Variants in IGDCC3 observed in about 807,000 individuals in gnomAD.
The protein encoded by IGDCC3 is putative neuronal cell adhesion molecule.
Under a neutral mutation model 72.0 loss-of-function variants are expected in IGDCC3, and 47 were observed. The observed-to-expected ratio is 0.65, with a 90% CI of 0.52 to 0.83. The LOEUF is 0.83. Ranked by LOEUF, IGDCC3 falls within the 40% of genes least tolerant of loss-of-function variation. The probability of loss-of-function intolerance (pLI) is 0.00; values close to 1 mark genes in which losing one functional copy is unlikely to be tolerated. For synonymous variants in IGDCC3, 477 were observed against 472.8 expected, an observed-to-expected ratio of 1.01 and a Z score of -0.11; for missense variants, 1,038 against 1,091.3, an observed-to-expected ratio of 0.95 and a Z score of 0.69.
Position 65,328,505 on chromosome 15 carries a change from G to A in IGDCC3, c.*404C>T, listed in dbSNP as rs1355168041. ...AAATCCATCCTGAGAAAACAAAGTC[G>A]GTGGAGGGTGACAGTGTCAGGGCCC... On this transcript the variant is annotated 3_prime_UTR_variant, in exon 14 of 14. Transcript: ENST00000327987. 1.9e-5 allele frequency: 3 copies of A among 159,708 alleles called. No individual in the cohort carries two copies. The highest frequency in any genetic ancestry group is 1.4e-5 in the Non-Finnish European group (1 of 73,164). 9.9% of individuals were successfully genotyped at this position (159,708 alleles called of 1,614,324 possible). A position where few individuals can be genotyped will look rare whatever the true frequency, so the allele number is the denominator to read the frequency against.
Position 65,370,515 on chromosome 15 carries a change from A to AAT in IGDCC3, c.409+4580_409+4581dup, listed in dbSNP as rs60597969. On this transcript the variant is annotated intron_variant, in intron 2 of 13. Transcript: ENST00000327987. ...GAGCGAGACTTGGTCTCAAAAAAAAAATATATATATATATATATATATTTA... is the reference window on the plus strand; with the variant it reads ...GAGCGAGACTTGGTCTCAAAAAAAAAATATATATATATATATATATATATTTA... Among the ~76,000 whole-genome samples the AAT allele has an allele frequency of 7.6e-4, 54 of 71,250 alleles. No homozygotes were observed. The East Asian group carries it at 0.026, about 34-fold the overall frequency. 46.7% of individuals were successfully genotyped at this position (71,250 alleles called of 152,430 possible). A position where few individuals can be genotyped will look rare whatever the true frequency, so the allele number is the denominator to read the frequency against.
In IGDCC3 at chr15:65,332,092, C is replaced by T. The variant is rs1263065277; in HGVS notation, c.997G>A (p.Val333Met). The change falls in exon 7 of 14, where the codon GTG (valine) becomes ATG (methionine). Residue 333 changes from valine to methionine, a missense_variant. Physicochemically the swap from Val to Met is conservative, Grantham distance 21 (BLOSUM62 1). Transcript: ENST00000327987. The part of the protein sequence containing the change: ...RLVVQAPAEF[V>M]QHPQSISRPA... ...CTGGAGATGGACTGGGGATGCTGCA[C>T]AAACTCAGCTGGGGCTGCGAGTAGA... 1.9e-6 allele frequency: 3 copies of T among 1,613,532 alleles called. No homozygotes were observed. Among genetic ancestry groups the T allele is most frequent in the Admixed American group, 3.3e-5 (2 of 59,974 alleles).
chr15:65,329,041 C>T lies in IGDCC3; in HGVS notation c.2313G>A (p.Glu771=). The change falls in exon 14 of 14, where the codon GAG becomes GAA. Residue 771 remains glutamate, a synonymous_variant. Transcript: ENST00000327987. The surrounding 1 kb of genome is among the most constrained non-coding windows in gnomAD (Gnocchi z 4.1). ...EGKTTEAKTT[E]ATAPCAGLAA... is the part of the protein sequence containing the mutation. ...CCAGGCCGGCGCAGGGAGCCGTGGC[C>T]TCTGTGGTCTTCGCCTCCGTCGTCT... The T allele has an allele frequency of 6.2e-7, 1 of 1,612,712 alleles. No individual in the cohort carries two copies. Among genetic ancestry groups the T allele is most frequent in the Non-Finnish European group, 8.5e-7 (1 of 1,179,582 alleles).
intron 2 of IGDCC3, among the ~76,000 whole-genome samples, chr15:65,357,255 G>T (rs2091229909): frequency 6.6e-6 from 1 of 152,144 alleles, no homozygotes; most frequent in African/African-American, 2.4e-5. Flanking sequence ...CCTAAAGGAA[G>T]AATGATATGC....
chr15:65,377,674 G>A lies in IGDCC3; in HGVS notation c.103+12C>T. On this transcript the variant is annotated intron_variant, in intron 1 of 13. Transcript: ENST00000327987. This position sits in a 1 kb window ranked among gnomAD's most constrained non-coding sequence, Gnocchi z 4.9. Reference sequence around the variant, plus strand: ...CGTCCGCAACCGCCCGGTCCGGGGCGCTTTCACTCACCCTCGCTCGGCGCG... The same window carrying A: ...CGTCCGCAACCGCCCGGTCCGGGGCACTTTCACTCACCCTCGCTCGGCGCG... 2 of 1,447,108 alleles carry A rather than the reference G, an allele frequency of 1.4e-6. No individual in the cohort carries two copies. Among genetic ancestry groups the A allele is most frequent in the Non-Finnish European group, 1.8e-6 (2 of 1,105,394 alleles). 89.6% of individuals were successfully genotyped at this position (1,447,108 alleles called of 1,614,324 possible).
At chr15:65,367,496 G>C (rs1345825271) in intron 2 of IGDCC3, among the ~76,000 whole-genome samples, 1 of 151,630 alleles carries the variant, frequency 6.6e-6, no homozygotes, top group Non-Finnish European at 1.5e-5. Context: ...CCTGCACATT[G>C]TGCACATGTA....
At chr15:65,349,295 C>T (rs1042654947) in intron 2 of IGDCC3, among the ~76,000 whole-genome samples, 1 of 152,100 alleles carries the variant, frequency 6.6e-6, no homozygotes, top group Non-Finnish European at 1.5e-5. Context: ...GCCCCTGGGG[C>T]GATGGTGGCA....
intron 2 of IGDCC3, among the ~76,000 whole-genome samples, chr15:65,349,172 A>G (rs529466529): frequency 6.6e-6 from 1 of 152,346 alleles, no homozygotes; most frequent in African/African-American, 2.4e-5. Context: ...TTAAGTCTTG[A>G]CAGTTTGATA....
Position 65,331,407 on chromosome 15 carries a change from C to A in IGDCC3, c.1396+5G>T. On this transcript the variant is annotated splice_donor_5th_base_variant and intron_variant, in intron 8 of 13. Coordinates refer to ENST00000327987, the MANE Select transcript of IGDCC3 (RefSeq NM_004884.4). ...GGAAGGGGCAACAGAGCTGGCCACG[C>A]GCACCAGCAGCCTTCCTGATGTGCA... 2 of 1,596,768 alleles carry A rather than the reference C, an allele frequency of 1.3e-6. No homozygotes were observed. Among genetic ancestry groups the A allele is most frequent in the Non-Finnish European group, 1.7e-6 (2 of 1,169,376 alleles).
rs747891142 is a variant in IGDCC3, at chr15:65,375,017, T to TC, written c.409+79dup. On this transcript the variant is annotated intron_variant, in intron 2 of 13. Coordinates refer to ENST00000327987, the MANE Select transcript of IGDCC3 (RefSeq NM_004884.4). The stretch of plus-strand genomic sequence containing the variant: ...AGAAGGCTGCATAAGATGGGACTGC[T>TC]CCCGCTGCCCTCATGCCCTAGGCTG... The TC allele has an allele frequency of 2.4e-5, 31 of 1,303,590 alleles. 1 individual carries two copies. The highest frequency in any genetic ancestry group is 2.1e-4 in the Admixed American group (11 of 53,516). 80.8% of individuals were successfully genotyped at this position (1,303,590 alleles called of 1,614,324 possible).
At chr15:65,373,661 G>C (rs1471960921) in intron 2 of IGDCC3, 1 of 152,668 alleles carries the variant, frequency 6.6e-6, no homozygotes, top group East Asian at 1.9e-4. Flanking sequence ...CCAGATGACA[G>C]TCCTGGCTCT....
At chr15:65,356,848 C>CTTCTTTTTTTTTTTTTT (rs2091225036) in intron 2 of IGDCC3, among the ~76,000 whole-genome samples, 1 of 70,898 alleles carries the variant, frequency 1.4e-5, no homozygotes, top group Non-Finnish European at 2.6e-5. Context: ...AATGGACCTG[C>CTTCTTTTTTTTTTTTTT]TTTTTTTTTT....
chr15:65,377,680 A>ACT lies in IGDCC3; in HGVS notation c.103+4_103+5dup, dbSNP rs561405493. 57 of 1,442,684 alleles carry ACT rather than the reference A, an allele frequency of 4.0e-5. No homozygotes were observed. The South Asian group carries it at 7.7e-4, about 19-fold the overall frequency. 89.4% of individuals were successfully genotyped at this position (1,442,684 alleles called of 1,614,324 possible). On this transcript the variant is annotated splice_donor_region_variant and intron_variant, in intron 1 of 13. Transcript: ENST00000327987. The surrounding 1 kb of genome is among the most constrained non-coding windows in gnomAD (Gnocchi z 4.9). Reference sequence around the variant, plus strand: ...CAACCGCCCGGTCCGGGGCGCTTTCACTCACCCTCGCTCGGCGCGGGCAGC... The same window carrying ACT: ...CAACCGCCCGGTCCGGGGCGCTTTCACTCTCACCCTCGCTCGGCGCGGGCAGC...
Position 65,375,407 on chromosome 15 carries a change from A to G in IGDCC3, c.104-5T>C, listed in dbSNP as rs746017018. The G allele has an allele frequency of 3.8e-6, 6 of 1,592,228 alleles. No homozygotes were observed. The East Asian group carries it at 1.4e-4, about 36-fold the overall frequency. On this transcript the variant is annotated splice_region_variant and splice_polypyrimidine_tract_variant and intron_variant, in intron 1 of 13. Coordinates refer to ENST00000327987, the MANE Select transcript of IGDCC3 (RefSeq NM_004884.4). The stretch of plus-strand genomic sequence containing the variant: ...GTTCAGCAGAGTGGCCAAGACCTGC[A>G]TTGGGGAAGGGGAGATGGAAGGAAA...
chr15:65,376,918 C>G (rs1410294666), intron 1 of IGDCC3, among the ~76,000 whole-genome samples: 4 of 152,178 alleles, frequency 2.6e-5, no homozygotes, highest in East Asian at 3.9e-4. Flanking sequence ...CTAAAGGGAA[C>G]AGAGTGGTGG....
At chr15:65,371,764 G>A (rs564817473) in intron 2 of IGDCC3, among the ~76,000 whole-genome samples, 2 of 152,298 alleles carry the variant, frequency 1.3e-5, no homozygotes, top group Admixed American at 1.3e-4. Context: ...CCTCCTCCCT[G>A]TAGCTAGTCC....
rs745584390 is a variant in IGDCC3, at chr15:65,329,615, G to T, written c.1998-18C>A. On this transcript the variant is annotated intron_variant, in intron 12 of 13. Transcript: ENST00000327987. This position sits in a 1 kb window ranked among gnomAD's most constrained non-coding sequence, Gnocchi z 4.1. ...GGAGGACCCTAAGGGTTAGCCAAGA[G>T]TTGGGGGGAGGGAGAGAGAAAAGAG... The T allele has an allele frequency of 3.1e-6, 5 of 1,613,132 alleles. No individual in the cohort carries two copies. In the South Asian group the frequency reaches 4.4e-5, roughly 14 times the overall value.
In IGDCC3 at chr15:65,330,578, G is replaced by A. The variant is rs16948657; in HGVS notation, c.1725C>T (p.Thr575=). ...GCTGGCTGAGGTTGTAGGAGGAGAC[G>A]GTTCCAGGCAGCAGGATGGGGCCGG... ...SFTGPILLPG[T]VSSYNLSQLD... Residue 575 remains threonine (T), a synonymous_variant, in exon 10 of 14, where the codon ACC becomes ACT. Transcript: ENST00000327987. The A allele has an allele frequency of 2.4e-3, 3,807 of 1,613,514 alleles. 93 individuals are homozygous for A. The African/African-American group carries it at 0.044, about 19-fold the overall frequency.
At position 65,328,710 on chromosome 15, in the gene IGDCC3, G is replaced by C. The variant is rs1057001367; in HGVS notation, c.*199C>G. ...GAAGGAACAGGCTCCTGCAGGAACT[G>C]CTCCAACTCCTGATGGGTGTTAGGG... is the stretch of plus-strand genomic sequence containing the variant. On this transcript the variant is annotated 3_prime_UTR_variant, in exon 14 of 14. Transcript: ENST00000327987. 17 of 495,806 alleles carry C rather than the reference G, an allele frequency of 3.4e-5. No individual in the cohort carries two copies. The highest frequency in any genetic ancestry group is 4.8e-4 in the Middle Eastern group (1 of 2,086). 30.7% of individuals were successfully genotyped at this position (495,806 alleles called of 1,614,324 possible). A position where few individuals can be genotyped will look rare whatever the true frequency, so the allele number is the denominator to read the frequency against.
Sources: allele counts gnomAD v4.1 joint callset (sites outside exome capture counted in the v4.1 genomes callset), GRCh38; gene constraint gnomAD v4.1.1; non-coding constraint Gnocchi (gnomAD v3.1); transcripts MANE v1.5; gene names NCBI Gene and HGNC (gene_info 2026-07-23, HGNC 2026-07-21).